Variants in MYO5B observed in about 807,000 individuals in gnomAD.
MYO5B encodes myosin VB.
A neutral mutation model predicts 229.3 loss-of-function variants in MYO5B; 143 were observed. That is an observed-to-expected ratio of 0.62 (90% CI 0.54 to 0.72). MYO5B has a LOEUF of 0.72. Among genes scored for constraint, MYO5B ranks in the 30% least tolerant of loss-of-function variants. The pLI is 0.00. For synonymous variants in MYO5B, 918 were observed against 885.2 expected, an observed-to-expected ratio of 1.04 and a Z score of -0.66; for missense variants, 2,321 against 2,331.0, an observed-to-expected ratio of 1.00 and a Z score of 0.09.
At chr18:50,011,697 T>TG (rs534685825) in intron 4 of MYO5B, among the ~76,000 whole-genome samples, 137 of 152,168 alleles carry the variant, frequency 9.0e-4, no homozygotes, top group Non-Finnish European at 1.6e-3. Context: ...CACGAAGCCC[T>TG]GTTCCTCCTC....
At position 49,862,159 on chromosome 18, in the gene MYO5B, G is replaced by A. The variant is rs140824314; in HGVS notation, c.3944+1068C>T. 4.0e-5 allele frequency among the ~76,000 whole-genome samples: 6 copies of A among 151,868 alleles called. No individual in the cohort carries two copies. The South Asian group carries it at 1.0e-3, about 26-fold the overall frequency. ...ATTACAGGCACCCGCCACTACGCCCGGCTAATTTTTGTATTTTTAGTAGAG... is the reference window on the plus strand; with the variant it reads ...ATTACAGGCACCCGCCACTACGCCCAGCTAATTTTTGTATTTTTAGTAGAG... On this transcript the variant is annotated intron_variant, in intron 29 of 39. Transcript: ENST00000285039.
chr18:50,095,361 G>A (rs1350555937), intron 1 of MYO5B, among the ~76,000 whole-genome samples: 1 of 152,174 alleles, frequency 6.6e-6, no homozygotes, highest in African/African-American at 2.4e-5. Flanking sequence ...CCTCTACACA[G>A]CAAGCCGTGC....
At chr18:49,965,732 G>A (rs2025617557) in intron 10 of MYO5B, among the ~76,000 whole-genome samples, 1 of 152,168 alleles carries the variant, frequency 6.6e-6, no homozygotes, top group African/African-American at 2.4e-5. Context: ...CAGACAGTCT[G>A]ATTTCTGAGA....
intron 27 of MYO5B, among the ~76,000 whole-genome samples, chr18:49,866,015 A>C (rs1322229750): frequency 1.3e-5 from 2 of 152,200 alleles, no homozygotes; most frequent in African/African-American, 4.8e-5. Context: ...CAGTGCCAAA[A>C]GAATATGCAT....
intron 10 of MYO5B, among the ~76,000 whole-genome samples, chr18:49,967,629 A>G (rs1387921548): frequency 1.3e-5 from 2 of 152,214 alleles, no homozygotes; most frequent in African/African-American, 4.8e-5. Context: ...AGAAGCCTTT[A>G]AAAGCAGGGC....
chr18:50,053,676 C>T (rs912913356), intron 2 of MYO5B, among the ~76,000 whole-genome samples: 4 of 152,124 alleles, frequency 2.6e-5, no homozygotes, highest in South Asian at 2.1e-4. Context: ...CACCTCAGTA[C>T]AGACGTTTTC....
chr18:49,941,075 A>C (rs2025308074), intron 14 of MYO5B, among the ~76,000 whole-genome samples: 2 of 152,230 alleles, frequency 1.3e-5, no homozygotes, highest in Admixed American at 1.3e-4. Flanking sequence ...TTATAAAGCC[A>C]TGAAACAACT....
At chr18:50,119,696 C>T (rs886989896) in intron 1 of MYO5B, among the ~76,000 whole-genome samples, 2 of 152,152 alleles carry the variant, frequency 1.3e-5, no homozygotes, top group African/African-American at 4.8e-5. Flanking sequence ...AAAGGGAAAA[C>T]CTCATCAATA....
At chr18:50,018,899 C>G (rs4331418) in intron 4 of MYO5B, among the ~76,000 whole-genome samples, 148,998 of 152,356 alleles carry the variant, frequency 0.98, 72,953 homozygotes, top group East Asian at 1. Flanking sequence ...AGAAAAGTAG[C>G]TAGAGATAAT....
At chr18:50,172,305 AAAG>A (rs1366955480) in intron 1 of MYO5B, among the ~76,000 whole-genome samples, 5 of 151,856 alleles carry the variant, frequency 3.3e-5, no homozygotes, top group African/African-American at 1.2e-4. Flanking sequence ...AAAAAAAAAA[AAAG>A]GCCGAACTGT....
chr18:50,072,388 G>A (rs979015874), intron 1 of MYO5B, among the ~76,000 whole-genome samples: 3 of 152,214 alleles, frequency 2.0e-5, no homozygotes, highest in Admixed American at 6.5e-5. Context: ...ATGTGGGAGA[G>A]AGACAAGAGT....
chr18:50,097,944 C>T (rs1381435728), intron 1 of MYO5B, among the ~76,000 whole-genome samples: 1 of 152,192 alleles, frequency 6.6e-6, no homozygotes, highest in Non-Finnish European at 1.5e-5. Flanking sequence ...ACCCTGGAAA[C>T]TAATGCTCTA....
chr18:50,126,063 T>C (rs906718971), intron 1 of MYO5B, among the ~76,000 whole-genome samples: 1 of 152,204 alleles, frequency 6.6e-6, no homozygotes, highest in African/African-American at 2.4e-5. Context: ...TCTTGGATGG[T>C]GGTCGTGATT....
intron 1 of MYO5B, among the ~76,000 whole-genome samples, chr18:50,134,482 G>A (rs2144276023): frequency 6.6e-6 from 1 of 152,054 alleles, no homozygotes; most frequent in East Asian, 1.9e-4. Flanking sequence ...TTGAACCCAG[G>A]AGGCGGAGGT....
intron 1 of MYO5B, among the ~76,000 whole-genome samples, chr18:50,079,292 T>C (rs1470388013): frequency 1.3e-5 from 2 of 151,604 alleles, no homozygotes; most frequent in Non-Finnish European, 3.0e-5. Flanking sequence ...CATGTGTGTC[T>C]ATATTGTCTC....
At position 49,824,098 on chromosome 18, in the gene MYO5B, T is replaced by TA. The variant is rs751061033; in HGVS notation, c.*2372dup. 1 of 152,596 alleles carries TA rather than the reference T, an allele frequency of 6.6e-6. No homozygotes were observed. Among genetic ancestry groups the TA allele is most frequent in the Non-Finnish European group, 1.5e-5 (1 of 68,038 alleles). The allele number at this position is 152,596 out of a possible 1,614,324, so 9.5% of individuals were successfully genotyped here. A position where few individuals can be genotyped will look rare whatever the true frequency, so the allele number is the denominator to read the frequency against. On this transcript the variant is annotated 3_prime_UTR_variant, in exon 40 of 40. Coordinates refer to ENST00000285039, the MANE Select transcript of MYO5B (RefSeq NM_001080467.3). Reference sequence around the variant, plus strand: ...AATGCAGAGTTCAAACCTGAATTGTTAAAGAGTCATTACTGATTTCATGAC... The same window carrying TA: ...AATGCAGAGTTCAAACCTGAATTGTTAAAAGAGTCATTACTGATTTCATGAC...
intron 4 of MYO5B, among the ~76,000 whole-genome samples, chr18:50,023,467 G>A (rs570446306): frequency 2.0e-5 from 3 of 152,210 alleles, no homozygotes; most frequent in Admixed American, 6.5e-5. Flanking sequence ...CTATTAATGC[G>A]GCTCCAGAGT....
rs75502028 is a variant in MYO5B, at chr18:50,074,527, G to A, written c.28-19149C>T. On this transcript the variant is annotated intron_variant, in intron 1 of 39. Coordinates refer to ENST00000285039, the MANE Select transcript of MYO5B (RefSeq NM_001080467.3). ...TACCAACCTCATCTCTTTCCATCCA[G>A]CACACTGCAATTCTAGCTCGATAGG... 8.1e-3 allele frequency among the ~76,000 whole-genome samples: 1,239 copies of A among 152,216 alleles called. 17 individuals carry two copies. Among genetic ancestry groups the A allele is most frequent in the African/African-American group, 0.028 (1,168 of 41,516 alleles).
chr18:49,999,446 G>A lies in MYO5B; in HGVS notation c.612+1809C>T, dbSNP rs1313085873. Among the ~76,000 whole-genome samples the A allele has an allele frequency of 5.9e-5, 9 of 152,328 alleles. 1 individual carries two copies. Among genetic ancestry groups the A allele is most frequent in the Admixed American group, 4.6e-4 (7 of 15,310 alleles). ...TCAGACTAAATGCTGGAGTAAATAT[G>A]CTACCAATGAAATGTCAGAAAAGAA... On this transcript the variant is annotated intron_variant, in intron 5 of 39. Coordinates refer to ENST00000285039, the MANE Select transcript of MYO5B (RefSeq NM_001080467.3).
Sources: allele counts gnomAD v4.1 joint callset (sites outside exome capture counted in the v4.1 genomes callset), GRCh38; gene constraint gnomAD v4.1.1; transcripts MANE v1.5; gene names NCBI Gene and HGNC (gene_info 2026-07-23, HGNC 2026-07-21).